Variants in STAU2 observed in about 807,000 individuals in gnomAD.
The protein encoded by STAU2 is double-stranded RNA-binding protein Staufen homolog 2.
Under a neutral mutation model 65.9 loss-of-function variants are expected in STAU2, and 20 were observed. The ratio of observed to expected loss-of-function variants is 0.30; its 90% CI spans 0.21 to 0.44. The LOEUF is 0.44. Ranked by LOEUF, STAU2 falls within the 20% of genes least tolerant of loss-of-function variation. STAU2 has a pLI of 1.00. For missense variants in STAU2, 558 were observed against 683.9 expected (o/e 0.82, Z 2.05); for synonymous variants, 232 against 233.9 (o/e 0.99, Z 0.07).
chr8:73,565,566 ATTGT>A (rs1331619031), intron 12 of STAU2, among the ~76,000 whole-genome samples: 6 of 152,148 alleles, frequency 3.9e-5, no homozygotes, highest in African/African-American at 1.4e-4. Context: ...CATATTTGTT[ATTGT>A]TTGTTTTTTA....
At chr8:73,607,170 T>C (rs1296612443) in intron 9 of STAU2, among the ~76,000 whole-genome samples, 1 of 152,128 alleles carries the variant, frequency 6.6e-6, no homozygotes, top group Admixed American at 6.5e-5. Context: ...ATAAAGTTGT[T>C]TAAAGGAACT....
chr8:73,467,388 C>G (rs547836920), intron 13 of STAU2, among the ~76,000 whole-genome samples: 1 of 152,076 alleles, frequency 6.6e-6, no homozygotes, highest in Non-Finnish European at 1.5e-5. Context: ...AAAAATTAGC[C>G]GGGCATGGTG....
intron 12 of STAU2, among the ~76,000 whole-genome samples, chr8:73,579,600 C>T (rs1459321917): frequency 6.6e-6 from 1 of 152,152 alleles, no homozygotes. Flanking sequence ...ATTCATTCAT[C>T]TGTAAAAATC....
chr8:73,683,282 C>A (rs1818559651), intron 5 of STAU2, among the ~76,000 whole-genome samples: 1 of 152,106 alleles, frequency 6.6e-6, no homozygotes, highest in South Asian at 2.1e-4. Context: ...AAGTGGGTTT[C>A]ATACCAGGGA....
intron 6 of STAU2, among the ~76,000 whole-genome samples, chr8:73,644,408 G>A (rs902759622): frequency 2.0e-5 from 3 of 151,354 alleles, no homozygotes; most frequent in African/African-American, 7.3e-5. Flanking sequence ...TTATGCCACT[G>A]CACTCCAGCC....
At chr8:73,608,588 G>A (rs1335001527) in intron 9 of STAU2, among the ~76,000 whole-genome samples, 3 of 147,726 alleles carry the variant, frequency 2.0e-5, no homozygotes, top group Non-Finnish European at 3.0e-5. Context: ...TCCAGCTTGG[G>A]TGACAGAGCA....
chr8:73,556,456 A>G (rs1807771385), intron 12 of STAU2, among the ~76,000 whole-genome samples: 1 of 152,072 alleles, frequency 6.6e-6, no homozygotes, highest in Admixed American at 6.5e-5. Context: ...GGTATTGGAA[A>G]TTACTATAAA....
chr8:73,464,021 A>G (rs577629235), intron 13 of STAU2, among the ~76,000 whole-genome samples: 26 of 152,164 alleles, frequency 1.7e-4, no homozygotes, highest in African/African-American at 6.0e-4. Context: ...TAGTACACCT[A>G]TTTTTTCCTT....
chr8:73,488,057 G>C (rs1474768329), intron 13 of STAU2, among the ~76,000 whole-genome samples: 1 of 151,954 alleles, frequency 6.6e-6, no homozygotes, highest in Non-Finnish European at 1.5e-5. Context: ...CATACAGTTT[G>C]CACTCAATAA....
chr8:73,713,958 C>A (rs1391576900), intron 3 of STAU2, among the ~76,000 whole-genome samples: 3 of 152,000 alleles, frequency 2.0e-5, no homozygotes, highest in Admixed American at 6.6e-5. Flanking sequence ...GGCTGTAGTG[C>A]AAGGGCGCGA....
At chr8:73,591,318 G>A (rs1431822521) in intron 11 of STAU2, among the ~76,000 whole-genome samples, 1 of 151,800 alleles carries the variant, frequency 6.6e-6, no homozygotes, top group Non-Finnish European at 1.5e-5. Context: ...AGTAAACAGA[G>A]TAAGTGCGGG....
At chr8:73,630,799 G>A (rs2130023142) in intron 6 of STAU2, among the ~76,000 whole-genome samples, 1 of 152,070 alleles carries the variant, frequency 6.6e-6, no homozygotes, top group Middle Eastern at 3.5e-3. Flanking sequence ...ATAGTTGTTG[G>A]CCTCTTTCCC....
chr8:73,458,166 C>T (rs1355620852), intron 13 of STAU2, among the ~76,000 whole-genome samples: 1 of 152,200 alleles, frequency 6.6e-6, no homozygotes, highest in Non-Finnish European at 1.5e-5. Context: ...AGAACTACTT[C>T]ATTAAAATTC....
chr8:73,542,824 T>C (rs552536481), intron 13 of STAU2, among the ~76,000 whole-genome samples: 5 of 152,264 alleles, frequency 3.3e-5, no homozygotes, highest in Admixed American at 2.6e-4. Flanking sequence ...CCCTCACACA[T>C]TGCTGGTAGG....
intron 6 of STAU2, chr8:73,652,326 C>A (rs753517706): frequency 6.6e-6 from 1 of 152,180 alleles, no homozygotes; most frequent in African/African-American, 2.4e-5. Context: ...AAAACTTCCA[C>A]ATTCAAAAGA....
intron 13 of STAU2, among the ~76,000 whole-genome samples, chr8:73,519,466 C>T (rs927891292): frequency 6.6e-6 from 1 of 152,074 alleles, no homozygotes; most frequent in Non-Finnish European, 1.5e-5. Flanking sequence ...GAAAAATGTA[C>T]TCATATGCAT....
chr8:73,464,589 T>C (rs1186414919), intron 13 of STAU2, among the ~76,000 whole-genome samples: 1 of 139,064 alleles, frequency 7.2e-6, no homozygotes, highest in Admixed American at 7.2e-5. Context: ...CACACGTGCA[T>C]GTGTGCACGC....
intron 9 of STAU2, among the ~76,000 whole-genome samples, chr8:73,605,842 TACAC>T (rs1176899097): frequency 0.32 from 37,081 of 117,564 alleles, 5,341 homozygotes; most frequent in South Asian, 0.46. Context: ...CACATACACA[TACAC>T]ACACACACAC....
intron 13 of STAU2, 98 bp from the exon 14 acceptor site, chr8:73,422,800 G>A: frequency 1.4e-6 from 1 of 716,002 alleles, no homozygotes; most frequent in South Asian, 2.9e-5. Flanking sequence ...ATTTTCATTA[G>A]TCTACATAAT....
Sources: allele counts gnomAD v4.1 joint callset (sites outside exome capture counted in the v4.1 genomes callset), GRCh38; gene constraint gnomAD v4.1.1; transcripts MANE v1.5; gene names NCBI Gene and HGNC (gene_info 2026-07-23, HGNC 2026-07-21).